OXR1: variants seen among roughly 807,000 people sequenced by gnomAD.
OXR1 encodes oxidation resistance protein 1.
A neutral mutation model predicts 104.6 loss-of-function variants in OXR1; 41 were observed. That is an observed-to-expected ratio of 0.39 (90% CI 0.31 to 0.51). The LOEUF (loss-of-function observed/expected upper bound fraction) is 0.51, where lower values mean the gene tolerates loss of function less well. OXR1 is among the 20% of genes least tolerant of loss of function. OXR1 has a pLI of 0.77. For synonymous variants in OXR1, 348 were observed against 348.4 expected (o/e 1.00, Z 0.01); for missense variants, 955 against 1,031.9 (o/e 0.93, Z 1.02).
chr8:106,519,043 C>G lies in OXR1; in HGVS notation c.124C>G (p.Pro42Ala). 1 of 1,551,934 alleles carries G rather than the reference C, an allele frequency of 6.4e-7. No homozygotes were observed. The highest frequency in any genetic ancestry group is 8.7e-7 in the Non-Finnish European group (1 of 1,146,970). Residue 42 changes from proline (P) to alanine (A), a missense_variant, in exon 3 of 17, where the codon CCC (proline) becomes GCC (alanine). Transcript: ENST00000517566. ...ACCACAAGCCAGTAAGCCCCCGGCACCCAAGACCCCCATCATTGAAGAAGA... is the reference window on the plus strand; with the variant it reads ...ACCACAAGCCAGTAAGCCCCCGGCAGCCAAGACCCCCATCATTGAAGAAGA... The part of the protein sequence containing the change: ...QTPQASKPPA[P>A]KTPIIEEEQN...
chr8:106,703,714 T>C (rs1830805203), intron 8 of OXR1, among the ~76,000 whole-genome samples: 1 of 151,894 alleles, frequency 6.6e-6, no homozygotes, highest in Admixed American at 6.6e-5. Context: ...TTGAAAGTAA[T>C]ATGCTTGTCC....
intron 1 of OXR1, among the ~76,000 whole-genome samples, chr8:106,324,277 GCA>G (rs1304098389): frequency 6.6e-6 from 1 of 152,126 alleles, no homozygotes; most frequent in Non-Finnish European, 1.5e-5. Flanking sequence ...ACCCAATACT[GCA>G]TGTTCTCACT....
intron 2 of OXR1, among the ~76,000 whole-genome samples, chr8:106,485,340 G>C (rs1810577813): frequency 6.6e-6 from 1 of 152,054 alleles, no homozygotes; most frequent in South Asian, 2.1e-4. Context: ...TGATGTGTTA[G>C]TATAAGTTTA....
rs755230680 is a variant in OXR1 at position 106,404,908 on chromosome 8, C to A, written c.23+45272C>A. Among the ~76,000 whole-genome samples, 4 of 151,714 alleles carry A rather than the reference C, an allele frequency of 2.6e-5. No individual in the cohort carries two copies. In the East Asian group the frequency reaches 5.8e-4, roughly 22 times the overall value. ...TTTTAGTAGAGACGGGGTTTCACCA[C>A]GTTAACCTGGATGGTCTCGATCACC... On this transcript the variant is annotated intron_variant, in intron 2 of 16. Transcript: ENST00000517566.
At chr8:106,719,673 A>C (rs1367948263) in intron 11 of OXR1, among the ~76,000 whole-genome samples, 1 of 152,188 alleles carries the variant, frequency 6.6e-6, no homozygotes, top group Non-Finnish European at 1.5e-5. Flanking sequence ...CACAGTCTGG[A>C]ATATGCTGTT....
chr8:106,719,606 G>T (rs1832640631), intron 11 of OXR1, among the ~76,000 whole-genome samples: 1 of 151,748 alleles, frequency 6.6e-6, no homozygotes, highest in Non-Finnish European at 1.5e-5. Flanking sequence ...CCATTGCTTT[G>T]CTTTGCTTTT....
intron 9 of OXR1, among the ~76,000 whole-genome samples, chr8:106,708,616 C>A (rs1223785426): frequency 6.6e-6 from 1 of 152,108 alleles, no homozygotes; most frequent in African/African-American, 2.4e-5. Flanking sequence ...AATTTCCTAT[C>A]TTTTTAAGGC....
chr8:106,546,805 C>G (rs533871079), intron 3 of OXR1, among the ~76,000 whole-genome samples: 1 of 152,318 alleles, frequency 6.6e-6, no homozygotes, highest in Middle Eastern at 3.4e-3. Flanking sequence ...CAGCTTTCAA[C>G]TTAATTTTCT....
At chr8:106,507,549 G>A (rs991643017) in intron 2 of OXR1, among the ~76,000 whole-genome samples, 5 of 152,306 alleles carry the variant, frequency 3.3e-5, no homozygotes, top group Admixed American at 6.5e-5. Flanking sequence ...TTGTGAAAGC[G>A]GTGAGTACAA....
chr8:106,275,715 G>C (rs182394214), intron 1 of OXR1, among the ~76,000 whole-genome samples: 1 of 152,150 alleles, frequency 6.6e-6, no homozygotes, highest in Admixed American at 6.5e-5. Flanking sequence ...TATTGTGCCA[G>C]CTGGAAGGAG....
At chr8:106,433,960 G>A (rs13279212) in intron 2 of OXR1, among the ~76,000 whole-genome samples, 34,262 of 151,840 alleles carry the variant, frequency 0.23, 5,338 homozygotes, top group African/African-American at 0.42. Context: ...TAGTGATTGC[G>A]TTTAAATTAT....
intron 3 of OXR1, among the ~76,000 whole-genome samples, chr8:106,572,948 G>T (rs1817579617): frequency 6.6e-6 from 1 of 152,142 alleles, no homozygotes; most frequent in South Asian, 2.1e-4. Context: ...AGACCCAGGA[G>T]AGCTGATGTG....
intron 2 of OXR1, among the ~76,000 whole-genome samples, chr8:106,454,008 A>T (rs1486188958): frequency 6.6e-6 from 1 of 152,228 alleles, no homozygotes; most frequent in East Asian, 1.9e-4. Flanking sequence ...TTTATACTTC[A>T]GGAAAAAAGA....
At chr8:106,679,416 A>G (rs899097083) in intron 4 of OXR1, 124 bp downstream of exon 4, 2 of 450,052 alleles carry the variant, frequency 4.4e-6, no homozygotes, top group African/African-American at 4.1e-5. Context: ...TCTGTATTTC[A>G]CTTTGGATAA....
chr8:106,325,067 A>G (rs1012459396), intron 1 of OXR1, among the ~76,000 whole-genome samples: 1 of 152,212 alleles, frequency 6.6e-6, no homozygotes, highest in Non-Finnish European at 1.5e-5. Context: ...TATCTTCTGT[A>G]AGTGGATAGC....
intron 2 of OXR1, among the ~76,000 whole-genome samples, chr8:106,458,451 C>T (rs915221005): frequency 1.3e-4 from 20 of 152,160 alleles, no homozygotes; most frequent in Non-Finnish European, 2.2e-4. Context: ...GTTTGGCTCC[C>T]TCCACCAAGA....
At chr8:106,636,469 CA>C (rs1011492436) in intron 3 of OXR1, among the ~76,000 whole-genome samples, 7 of 152,158 alleles carry the variant, frequency 4.6e-5, no homozygotes, top group African/African-American at 1.4e-4. Context: ...GAATAGTTTT[CA>C]AAAACTAAAA....
chr8:106,707,027 A>C lies in OXR1; in HGVS notation c.1506A>C (p.Leu502=). 1 of 1,613,966 alleles carries C rather than the reference A, an allele frequency of 6.2e-7. No individual in the cohort carries two copies. The highest frequency in any genetic ancestry group is 8.5e-7 in the Non-Finnish European group (1 of 1,179,958). The change falls in exon 9 of 17, where the codon CTA becomes CTC. Residue 502 remains leucine (L), a synonymous_variant. Transcript: ENST00000517566. ...ACTCACAGACAGAGGCAGAAGAGCT[A>C]CGCAAACTTTGGAAAACCCATACTA... ...NQDSQTEAEE[L]RKLWKTHTMQ...
At chr8:106,720,318 G>A (rs1832719620) in intron 11 of OXR1, among the ~76,000 whole-genome samples, 1 of 152,152 alleles carries the variant, frequency 6.6e-6, no homozygotes, top group Non-Finnish European at 1.5e-5. Context: ...AGTTATCAGT[G>A]TTGTTTAAAG....
Sources: allele counts gnomAD v4.1 joint callset (sites outside exome capture counted in the v4.1 genomes callset), GRCh38; gene constraint gnomAD v4.1.1; transcripts MANE v1.5; gene names NCBI Gene and HGNC (gene_info 2026-07-23, HGNC 2026-07-21).